COL11A2: variants seen among roughly 807,000 people sequenced by gnomAD.
COL11A2 encodes collagen alpha-2(XI) chain.
In COL11A2, 116 loss-of-function variants were observed where a neutral mutation model predicts 273.4. The observed-to-expected ratio is 0.42, with a 90% CI of 0.36 to 0.49. COL11A2 has a LOEUF of 0.49. Ranked by LOEUF, COL11A2 falls within the 20% of genes least tolerant of loss-of-function variation. The pLI is 0.00. For synonymous variants in COL11A2, 782 were observed against 864.2 expected, an observed-to-expected ratio of 0.90 and a Z score of 1.67; for missense variants, 1,866 against 2,309.0, an observed-to-expected ratio of 0.81 and a Z score of 3.93.
Position 33,171,307 on chromosome 6 carries a change from G to C in COL11A2, c.3276C>G (p.Pro1092=), listed in dbSNP as rs537993709. 7 of 1,614,172 alleles carry C rather than the reference G, an allele frequency of 4.3e-6. No individual in the cohort carries two copies. Among genetic ancestry groups the C allele is most frequent in the South Asian group, 3.3e-5 (3 of 91,086 alleles). ...TGTTCCCTTTGGTGCCCTTCTGTCC[G>C]GGGTCCCCCACCTCACCCTGGGAGG... ...EDGDKGEVGD[P]GQKGTKGNKG... Residue 1092 remains proline, a synonymous_variant, in exon 44 of 66, where the codon CCC becomes CCG. Coordinates refer to ENST00000341947, the MANE Select transcript of COL11A2 (RefSeq NM_080680.3).
intron 4 of COL11A2, among the ~76,000 whole-genome samples, chr6:33,188,043 A>G (rs2150618636): frequency 6.6e-6 from 1 of 151,546 alleles, no homozygotes; most frequent in African/African-American, 2.4e-5. Flanking sequence ...TGGGTGGTGG[A>G]TGTGTGCATA....
Position 33,179,819 on chromosome 6 carries a change from G to A in COL11A2, c.1360-14C>T. The A allele has an allele frequency of 1.2e-6, 2 of 1,607,014 alleles. No homozygotes were observed. Among genetic ancestry groups the A allele is most frequent in the Non-Finnish European group, 1.7e-6 (2 of 1,178,774 alleles). ...GCCAAACCGGAACTGAGGTCAAGGA[G>A]AGAAGGTCCAGGTTCTCTTCCAAGA... On this transcript the variant is annotated splice_polypyrimidine_tract_variant and intron_variant, in intron 12 of 65. Coordinates refer to ENST00000341947, the MANE Select transcript of COL11A2 (RefSeq NM_080680.3). The surrounding 1 kb of genome is among the most constrained non-coding windows in gnomAD (Gnocchi z 6.4).
chr6:33,163,943 G>T lies in COL11A2; in HGVS notation c.5071-125C>A. The T allele has an allele frequency of 1.4e-6, 2 of 1,409,274 alleles. No individual in the cohort carries two copies. Among genetic ancestry groups the T allele is most frequent in the Non-Finnish European group, 9.9e-7 (1 of 1,005,328 alleles). The allele number at this position is 1,409,274 out of a possible 1,614,324, so 87.3% of individuals were successfully genotyped here. Reference sequence around the variant, plus strand: ...CCATCAGGGTGACTCAGGATGTACAGACTGGCAGTGTCTATGTGCCCATGC... The same window carrying T: ...CCATCAGGGTGACTCAGGATGTACATACTGGCAGTGTCTATGTGCCCATGC... On this transcript the variant is annotated intron_variant, in intron 65 of 65. Coordinates refer to ENST00000341947, the MANE Select transcript of COL11A2 (RefSeq NM_080680.3). The surrounding 1 kb of genome is among the most constrained non-coding windows in gnomAD (Gnocchi z 4.1).
rs1224998706 is a variant in COL11A2 at position 33,162,932 on chromosome 6, T to G, written c.*746A>C. ...TCCAGCCATCTGCGGGATGCAGCCC[T>G]GCACACACCCCACACTATTCCGTTT... On this transcript the variant is annotated 3_prime_UTR_variant, in exon 66 of 66. Transcript: ENST00000341947. This position sits in a 1 kb window ranked among gnomAD's most constrained non-coding sequence, Gnocchi z 4.9. 6.4e-6 allele frequency: 1 copy of G among 155,666 alleles called. No individual in the cohort carries two copies. The highest frequency in any genetic ancestry group is 1.5e-5 in the Non-Finnish European group (1 of 68,878). The allele number at this position is 155,666 out of a possible 1,614,324, so 9.6% of individuals were successfully genotyped here. A position where few individuals can be genotyped will look rare whatever the true frequency, so the allele number is the denominator to read the frequency against.
intron 4 of COL11A2, among the ~76,000 whole-genome samples, chr6:33,187,141 A>T (rs979997958): frequency 2.6e-5 from 4 of 152,172 alleles, no homozygotes; most frequent in Admixed American, 2.6e-4. Flanking sequence ...GGCCTTCCAG[A>T]ATTCTTTGCC....
At position 33,165,961 on chromosome 6, in the gene COL11A2, C is replaced by G. The variant is rs1389663921; in HGVS notation, c.4452G>C (p.Glu1484Asp). 4 of 1,613,928 alleles carry G rather than the reference C, an allele frequency of 2.5e-6. No individual in the cohort carries two copies. The highest frequency in any genetic ancestry group is 2.2e-5 in the East Asian group (1 of 44,890). ...GATGPGGPKG[E>D]KGVQGPPGHP... is the part of the protein sequence containing the mutation. ...GTCCTGGAGGGCCCTGCACACCCTT[C>G]TCTCCCTTGGGTCCGCCTGGGCCCT... The change falls in exon 62 of 66, where the codon GAG becomes GAC. Residue 1484 changes from glutamate to aspartate, a missense_variant. Physicochemically the swap from Glu to Asp is conservative, Grantham distance 45 (BLOSUM62 2). Transcript: ENST00000341947. This position sits in a 1 kb window ranked among gnomAD's most constrained non-coding sequence, Gnocchi z 7.7.
Position 33,184,133 on chromosome 6 carries a change from C to G in COL11A2, c.1119+12G>C, listed in dbSNP as rs761257038. The G allele has an allele frequency of 1.7e-5, 23 of 1,366,752 alleles. No homozygotes were observed. Among genetic ancestry groups the G allele is most frequent in the Admixed American group, 1.9e-5 (1 of 52,574 alleles). 84.7% of individuals were successfully genotyped at this position (1,366,752 alleles called of 1,614,324 possible). A position where few individuals can be genotyped will look rare whatever the true frequency, so the allele number is the denominator to read the frequency against. On this transcript the variant is annotated intron_variant, in intron 8 of 65. Transcript: ENST00000341947. ...GGTAGTCAAGAATGAAAGAGAAGCTCCTTTCACTTACGGCTCCTGAGTGGG... is the reference window on the plus strand; with the variant it reads ...GGTAGTCAAGAATGAAAGAGAAGCTGCTTTCACTTACGGCTCCTGAGTGGG...
intron 30 of COL11A2, 41 bp from the exon 31 acceptor site, chr6:33,174,621 C>G (rs753046236): frequency 4.4e-6 from 7 of 1,598,578 alleles, no homozygotes; most frequent in Non-Finnish European, 5.1e-6. Flanking sequence ...AGAGGAGGCC[C>G]AGATGCCACT....
Position 33,179,619 on chromosome 6 carries a change from C to T in COL11A2, c.1446+100G>A, listed in dbSNP as rs1771447448. 2 of 1,505,514 alleles carry T rather than the reference C, an allele frequency of 1.3e-6. No individual in the cohort carries two copies. The highest frequency in any genetic ancestry group is 1.8e-6 in the Non-Finnish European group (2 of 1,100,804). The allele number at this position is 1,505,514 out of a possible 1,614,324, so 93.3% of individuals were successfully genotyped here. ...GGATTCTCCCCAACCTCCCTGTTAA[C>T]CCCAAACCAACCCAGGCCTCCCCTG... is the stretch of plus-strand genomic sequence containing the variant. On this transcript the variant is annotated intron_variant, in intron 13 of 65. Coordinates refer to ENST00000341947, the MANE Select transcript of COL11A2 (RefSeq NM_080680.3). The surrounding 1 kb of genome is among the most constrained non-coding windows in gnomAD (Gnocchi z 6.4).
Position 33,165,999 on chromosome 6 carries a change from A to G in COL11A2, c.4429-15T>C. ...CCGCCTGGGCCCTGACAAGGAATAA[A>G]TCAGGTCATGGAGGGGTCAAGAGGT... is the stretch of plus-strand genomic sequence containing the variant. On this transcript the variant is annotated splice_polypyrimidine_tract_variant and intron_variant, in intron 61 of 65. Transcript: ENST00000341947. The surrounding 1 kb of genome is among the most constrained non-coding windows in gnomAD (Gnocchi z 7.7). The G allele has an allele frequency of 6.2e-7, 1 of 1,614,052 alleles. No homozygotes were observed. Among genetic ancestry groups the G allele is most frequent in the Non-Finnish European group, 8.5e-7 (1 of 1,180,010 alleles).
Position 33,176,110 on chromosome 6 carries a change from G to C in COL11A2, c.2215-41C>G. 6.2e-7 allele frequency: 1 copy of C among 1,612,084 alleles called. No homozygotes were observed. The highest frequency in any genetic ancestry group is 1.1e-5 in the South Asian group (1 of 91,064). On this transcript the variant is annotated intron_variant, in intron 28 of 65. Transcript: ENST00000341947. This position sits in a 1 kb window ranked among gnomAD's most constrained non-coding sequence, Gnocchi z 4.9. ...GTGAGAGGGCACCACAGATGACAGAGGGCTGGGGTTCTAATGGGAATTCTG... is the reference window on the plus strand; with the variant it reads ...GTGAGAGGGCACCACAGATGACAGACGGCTGGGGTTCTAATGGGAATTCTG...
At chr6:33,171,366 G>C in intron 43 of COL11A2, 42 bp from the exon 44 acceptor site, 13 of 1,613,066 alleles carry the variant, frequency 8.1e-6, no homozygotes, top group Non-Finnish European at 1.1e-5. Flanking sequence ...AAAGGTGATG[G>C]GTAGAGTGGG....
intron 52 of COL11A2, 24 bp from the exon 53 acceptor site, chr6:33,168,783 A>G: frequency 6.3e-7 from 1 of 1,598,244 alleles, no homozygotes; most frequent in Non-Finnish European, 8.5e-7. Context: ...GCAAGGTCAG[A>G]GGTGGGCCCC....
chr6:33,172,236 G>GCC, intron 40 of COL11A2, 53 bp downstream of exon 40: 1 of 1,481,690 alleles, frequency 6.7e-7, no homozygotes, highest in Non-Finnish European at 9.4e-7. Context: ...TCGGGGTGGG[G>GCC]ACTCAGGATG....
Position 33,174,041 on chromosome 6 carries a change from C to T in COL11A2, c.2499G>A (p.Lys833=). ...GEKGARGLSG[K]SGPRGERGPT... ...GGCCCCGTTCTCCCCGAGGCCCTGA[C>T]TTCCCCGACAGGCCCTGGTGGGAAT... The change falls in exon 33 of 66, where the codon AAG becomes AAA. Residue 833 remains lysine (K), a synonymous_variant. Coordinates refer to ENST00000341947, the MANE Select transcript of COL11A2 (RefSeq NM_080680.3). The T allele has an allele frequency of 1.2e-6, 2 of 1,614,012 alleles. No homozygotes were observed. The highest frequency in any genetic ancestry group is 1.7e-6 in the Non-Finnish European group (2 of 1,180,004).
Position 33,169,116 on chromosome 6 carries a change from AC to A in COL11A2, c.3799-109del, listed in dbSNP as rs1562321043. On this transcript the variant is annotated intron_variant, in intron 51 of 65. Coordinates refer to ENST00000341947, the MANE Select transcript of COL11A2 (RefSeq NM_080680.3). The surrounding 1 kb of genome is among the most constrained non-coding windows in gnomAD (Gnocchi z 5.5). ...CTCTCTAGAGGCAGTGCCCACCAGT[AC>A]CCCCCAGGAAGAGGTCTCCTGCACC... 2.6e-5 allele frequency: 29 copies of A among 1,096,702 alleles called. No individual in the cohort carries two copies. The Middle Eastern group carries it at 6.4e-4, about 24-fold the overall frequency. The allele number at this position is 1,096,702 out of a possible 1,614,324, so 67.9% of individuals were successfully genotyped here.
chr6:33,173,772 T>C lies in COL11A2; in HGVS notation c.2584-27A>G. ...TGTGGGGGGAAACAGAGTCAAGGAGTGGGAAGAGCTGCTTTCCAGCTGTCC... is the reference window on the plus strand; with the variant it reads ...TGTGGGGGGAAACAGAGTCAAGGAGCGGGAAGAGCTGCTTTCCAGCTGTCC... On this transcript the variant is annotated intron_variant, in intron 34 of 65. Coordinates refer to ENST00000341947, the MANE Select transcript of COL11A2 (RefSeq NM_080680.3). This position sits in a 1 kb window ranked among gnomAD's most constrained non-coding sequence, Gnocchi z 6.3. 1 of 1,604,130 alleles carries C rather than the reference T, an allele frequency of 6.2e-7. No homozygotes were observed. Among genetic ancestry groups the C allele is most frequent in the Admixed American group, 1.7e-5 (1 of 59,574 alleles).
chr6:33,178,778 A>C lies in COL11A2; in HGVS notation c.1666-46T>G. On this transcript the variant is annotated intron_variant, in intron 17 of 65. Coordinates refer to ENST00000341947, the MANE Select transcript of COL11A2 (RefSeq NM_080680.3). The surrounding 1 kb of genome is among the most constrained non-coding windows in gnomAD (Gnocchi z 4.6). ...CAGAGTGAGGACACGACCCTGTCCA[A>C]GCCCACCCCTCCCTACTGCACCCTG... 6.2e-7 allele frequency: 1 copy of C among 1,611,112 alleles called. No homozygotes were observed.
At chr6:33,181,272 AG>A in intron 8 of COL11A2, 102 bp from the exon 9 acceptor site, 1 of 1,205,238 alleles carries the variant, frequency 8.3e-7, no homozygotes, top group Non-Finnish European at 1.2e-6. Flanking sequence ...GATCCTCTCG[AG>A]ACCACTTCAG....
Sources: gnomAD v4.1 joint callset for allele counts (sites outside exome capture counted in the v4.1 genomes callset) on GRCh38, gnomAD v4.1.1 for gene constraint, Gnocchi (gnomAD v3.1) non-coding constraint, MANE v1.5 for transcripts, NCBI Gene and HGNC (gene_info 2026-07-23, HGNC 2026-07-21) for gene names.